The following MACF1 variants were observed in gnomAD, a reference collection of about 807,000 sequenced individuals.
The protein encoded by MACF1 is microtubule actin crosslinking factor 1.
A neutral mutation model predicts 854.8 loss-of-function variants in MACF1; 193 were observed. That is an observed-to-expected ratio of 0.23 (90% CI 0.20 to 0.25). The LOEUF (loss-of-function observed/expected upper bound fraction) is 0.25. Ranked by LOEUF, MACF1 falls within the 10% of genes least tolerant of loss-of-function variation. The pLI is 1.00. For synonymous variants in MACF1, 3,185 were observed against 3,226.7 expected (o/e 0.99, Z 0.44); for missense variants, 7,722 against 8,929.1 (o/e 0.86, Z 5.45).
rs781346458 is a variant in MACF1 at position 39,385,845 on chromosome 1, A to C, written c.14260A>C (p.Ile4754Leu). The C allele has an allele frequency of 6.2e-6, 10 of 1,614,198 alleles. No individual in the cohort carries two copies. In the East Asian group the frequency reaches 2.2e-4, roughly 36 times the overall value. The change falls in exon 57 of 101, where the codon ATT (isoleucine) becomes CTT (leucine). Residue 4754 changes from isoleucine (I) to leucine (L), a missense_variant. Around this residue, in one of 15 missense-constraint regions of MACF1, gnomAD observed 2,807 missense variants for 3,235.8 expected, o/e 0.87. Coordinates refer to ENST00000564288, the MANE Select transcript of MACF1 (RefSeq NM_001394062.1). ...ACTGTGCGATGAACTCTCAGTGCTC[A>C]TTGGTGAGCAGTACCTCAAGGATGA... is the stretch of plus-strand genomic sequence containing the variant. ...QTLCDELSVL[I>L]GEQYLKDELK... is the part of the protein sequence containing the mutation.
In MACF1 at chr1:39,428,274, A is replaced by T; in HGVS notation, c.16790A>T (p.His5597Leu). 1.9e-6 allele frequency: 3 copies of T among 1,610,068 alleles called. No homozygotes were observed. The highest frequency in any genetic ancestry group is 2.5e-6 in the Non-Finnish European group (3 of 1,177,740). Residue 5597 changes from histidine (H) to leucine (L), a missense_variant, in exon 63 of 101, where the codon CAT becomes CTT. His to Leu is a moderately conservative substitution (Grantham distance 99). Around this residue, in one of 15 missense-constraint regions of MACF1, gnomAD observed 2,807 missense variants for 3,235.8 expected, o/e 0.87. Transcript: ENST00000564288. ...AAACAGGATGTCCTGCACAGGCAGC[A>T]TGCTGACCACCTGGTATTCATGTTT... The part of the protein sequence containing the change: ...DFKQDVLHRQ[H>L]ADHLALNEEI...
intron 2 of MACF1, among the ~76,000 whole-genome samples, chr1:39,136,380 A>G (rs905404287): frequency 1.3e-5 from 2 of 152,192 alleles, no homozygotes; most frequent in African/African-American, 4.8e-5. Context: ...TATGCTGGAC[A>G]TGGGTGGAGG....
chr1:39,447,774 A>G lies in MACF1; in HGVS notation c.19844A>G (p.Gln6615Arg). ...QTGNQLKFLS[Q>R]KQDVVLIKNL... Reference sequence around the variant, plus strand: ...GGGAATCAATTAAAGTTCCTTAGCCAAAAGCAGGATGTTGTTCTGATCAAG... The same window carrying G: ...GGGAATCAATTAAAGTTCCTTAGCCGAAAGCAGGATGTTGTTCTGATCAAG... Residue 6615 changes from glutamine to arginine, a missense_variant, in exon 82 of 101, where the codon CAA becomes CGA. Coordinates refer to ENST00000564288, the MANE Select transcript of MACF1 (RefSeq NM_001394062.1). The G allele has an allele frequency of 6.2e-7, 1 of 1,614,148 alleles. No individual in the cohort carries two copies. Among genetic ancestry groups the G allele is most frequent in the Non-Finnish European group, 8.5e-7 (1 of 1,180,034 alleles).
At position 39,428,158 on chromosome 1, in the gene MACF1, T is replaced by C. The variant is rs1557649324; in HGVS notation, c.16674T>C (p.Asn5558=). The change falls in exon 63 of 101, where the codon AAT becomes AAC. Residue 5558 remains asparagine (N), a synonymous_variant. Transcript: ENST00000564288. ...CCCTACTTGACCAAGCTCTGTCTAATGCTAGGCTGTTTGGGGAGGATGAGG... is the reference window on the plus strand; with the variant it reads ...CCCTACTTGACCAAGCTCTGTCTAACGCTAGGCTGTTTGGGGAGGATGAGG... The part of the protein sequence containing the change: ...KAALLDQALS[N]ARLFGEDEVE... The C allele has an allele frequency of 1.9e-6, 3 of 1,614,226 alleles. No homozygotes were observed. In the South Asian group the frequency reaches 3.3e-5, roughly 18 times the overall value.
At position 39,436,695 on chromosome 1, in the gene MACF1, T is replaced by A. The variant is rs6663884; in HGVS notation, c.17988+934T>A. 0.032 allele frequency among the ~76,000 whole-genome samples: 4,930 copies of A among 152,280 alleles called. 268 individuals carry two copies. Among genetic ancestry groups the A allele is most frequent in the African/African-American group, 0.11 (4,531 of 41,524 alleles). ...AAGGAATCCCACCATGTTTTTTCTA[T>A]AGGACACTTGAAATTGATAAGCCTT... On this transcript the variant is annotated intron_variant, in intron 70 of 100. Transcript: ENST00000564288.
At chr1:39,264,247 T>C (rs1645203702) in intron 6 of MACF1, among the ~76,000 whole-genome samples, 1 of 152,248 alleles carries the variant, frequency 6.6e-6, no homozygotes, top group Admixed American at 6.5e-5. Flanking sequence ...GATTGATACC[T>C]GGACTGGAAT....
Position 39,318,532 on chromosome 1 carries a change from G to A in MACF1, c.3862G>A (p.Glu1288Lys). The change falls in exon 30 of 101, where the codon GAA becomes AAA. Residue 1288 changes from glutamate to lysine, a missense_variant. Around this residue, in one of 15 missense-constraint regions of MACF1, gnomAD observed 1,137 missense variants for 1,263.0 expected, o/e 0.90. Coordinates refer to ENST00000564288, the MANE Select transcript of MACF1 (RefSeq NM_001394062.1). ...CHGTLIKWIEETTAQQEMMKP... is the reference protein window; with the variant it reads ...CHGTLIKWIEKTTAQQEMMKP... ...TGGAACTCTCATCAAGTGGATTGAG[G>A]AAACCACTGCCCAGCAGGAAATGAT... 1 of 1,614,012 alleles carries A rather than the reference G, an allele frequency of 6.2e-7. No individual in the cohort carries two copies. Among genetic ancestry groups the A allele is most frequent in the Non-Finnish European group, 8.5e-7 (1 of 1,179,952 alleles).
At chr1:39,442,602 T>G in intron 77 of MACF1, 35 bp downstream of exon 77, 1 of 1,612,946 alleles carries the variant, frequency 6.2e-7, no homozygotes, top group Non-Finnish European at 8.5e-7. Context: ...CTAACCCTAT[T>G]GATTTGAGAC....
chr1:39,098,410 G>T (rs1641986974), intron 2 of MACF1, among the ~76,000 whole-genome samples: 1 of 152,224 alleles, frequency 6.6e-6, no homozygotes, highest in African/African-American at 2.4e-5. Context: ...TCTGCCTAGG[G>T]CAACCCACTG....
chr1:39,285,552 G>A lies in MACF1; in HGVS notation c.1354-52G>A. The A allele has an allele frequency of 1.9e-6, 3 of 1,580,352 alleles. No homozygotes were observed. The South Asian group carries it at 3.4e-5, about 18-fold the overall frequency. On this transcript the variant is annotated intron_variant, in intron 13 of 100. Transcript: ENST00000564288. ...AGACTTCTTGGCTCCCTCTGTCCTA[G>A]TGAGTGGGGCAATGGAAGTTTTCCC...
chr1:39,138,370 T>C (rs1643238041), intron 2 of MACF1, among the ~76,000 whole-genome samples: 1 of 151,636 alleles, frequency 6.6e-6, no homozygotes, highest in Non-Finnish European at 1.5e-5. Context: ...GATCACAAGG[T>C]CAGGAGATCG....
chr1:39,099,086 C>T lies in MACF1; in HGVS notation c.220+14648C>T, dbSNP rs1208380512. On this transcript the variant is annotated intron_variant, in intron 2 of 93. Transcript: ENST00000361689. ...TGGGGAATATAAAAGTTACAGCAGACAGCTACCCTTGCAAGGAGGAATGGA... is the reference window on the plus strand; with the variant it reads ...TGGGGAATATAAAAGTTACAGCAGATAGCTACCCTTGCAAGGAGGAATGGA... 1.3e-5 allele frequency among the ~76,000 whole-genome samples: 2 copies of T among 152,200 alleles called. 1 individual carries two copies. The highest frequency in any genetic ancestry group is 2.9e-5 in the Non-Finnish European group (2 of 68,032).
In MACF1 at chr1:39,388,527, C is replaced by G. The variant is rs557747438; in HGVS notation, c.15685C>G (p.Arg5229Gly). 3 of 1,614,118 alleles carry G rather than the reference C, an allele frequency of 1.9e-6. No individual in the cohort carries two copies. Among genetic ancestry groups the G allele is most frequent in the South Asian group, 2.2e-5 (2 of 91,074 alleles). Residue 5229 changes from arginine to glycine, a missense_variant, in exon 58 of 101, where the codon CGT becomes GGT. Around this residue, in one of 15 missense-constraint regions of MACF1, gnomAD observed 2,807 missense variants for 3,235.8 expected, o/e 0.87. Coordinates refer to ENST00000564288, the MANE Select transcript of MACF1 (RefSeq NM_001394062.1). The part of the protein sequence containing the change: ...RQEQLELTLG[R>G]VEDFYRKLKG... ...GGAACAGCTGGAACTGACACTAGGC[C>G]GTGTAGAGGACTTCTACAGGAAATT...
chr1:39,139,614 G>C (rs1017407995), intron 2 of MACF1, among the ~76,000 whole-genome samples: 1 of 151,430 alleles, frequency 6.6e-6, no homozygotes, highest in Non-Finnish European at 1.5e-5. Flanking sequence ...TGCTCATGCT[G>C]TATCCTGTGC....
At chr1:39,453,878 C>T (rs1330061845) in intron 88 of MACF1, 28 bp downstream of exon 88, 1 of 1,613,028 alleles carries the variant, frequency 6.2e-7, no homozygotes, top group South Asian at 1.1e-5. Flanking sequence ...AGGAGGACTG[C>T]ACACGCCCAG....
chr1:39,297,048 C>T (rs564303593), intron 20 of MACF1, among the ~76,000 whole-genome samples: 3 of 151,914 alleles, frequency 2.0e-5, no homozygotes, highest in South Asian at 2.1e-4. Flanking sequence ...CTCAGCCTCT[C>T]GAATAGCTGG....
intron 85 of MACF1, among the ~76,000 whole-genome samples, 169 bp from the exon 86 acceptor site, chr1:39,451,987 C>T (rs1557662279): frequency 2.0e-5 from 3 of 152,148 alleles, no homozygotes. Context: ...GGATTACAGG[C>T]ATGAGCCACT....
intron 62 of MACF1, 37 bp downstream of exon 62, chr1:39,427,651 G>T: frequency 6.3e-7 from 1 of 1,589,158 alleles, no homozygotes; most frequent in South Asian, 1.1e-5. Context: ...ATAGAAAACT[G>T]GAATTAGAAA....
chr1:39,158,874 G>A (rs141612714), intron 2 of MACF1, among the ~76,000 whole-genome samples: 62 of 152,334 alleles, frequency 4.1e-4, no homozygotes, highest in Middle Eastern at 6.8e-3. Flanking sequence ...AGAAGCGGGA[G>A]TAGAGATCAT....
Sources: allele counts gnomAD v4.1 joint callset (sites outside exome capture counted in the v4.1 genomes callset), GRCh38; gene constraint gnomAD v4.1.1; regional missense constraint gnomAD v4.1.1; transcripts MANE v1.5; gene names NCBI Gene and HGNC (gene_info 2026-07-23, HGNC 2026-07-21).